Variants in NCOA1 observed in about 807,000 individuals in gnomAD.
NCOA1 encodes the protein nuclear receptor coactivator 1, also known as Hin-2 protein.
NCOA1 carries 35 observed loss-of-function variants against 150.9 expected under a neutral mutation model. That is an observed-to-expected ratio of 0.23 (90% CI 0.18 to 0.31). NCOA1 has a LOEUF of 0.31. NCOA1 is among the 10% of genes least tolerant of loss of function. NCOA1 has a pLI of 1.00. For missense variants in NCOA1, 1,491 were observed against 1,749.3 expected, an observed-to-expected ratio of 0.85 and a Z score of 2.63; for synonymous variants, 590 against 630.0, an observed-to-expected ratio of 0.94 and a Z score of 0.95.
At chr2:24,575,376 T>G (rs1666911835) in intron 2 of NCOA1, among the ~76,000 whole-genome samples, 1 of 152,116 alleles carries the variant, frequency 6.6e-6, no homozygotes, top group Admixed American at 6.6e-5. Context: ...TCTGCTTTCT[T>G]GAATGTATTG....
intron 3 of NCOA1, among the ~76,000 whole-genome samples, chr2:24,621,755 C>T (rs572782659): frequency 3.3e-5 from 5 of 152,306 alleles, no homozygotes; most frequent in East Asian, 1.9e-4. Context: ...GCTGGGATTA[C>T]AGGCATGCGC....
chr2:24,652,118 G>A (rs1354759888), intron 4 of NCOA1, among the ~76,000 whole-genome samples: 1 of 152,014 alleles, frequency 6.6e-6, no homozygotes, highest in East Asian at 1.9e-4. Context: ...TTCAAAAAGT[G>A]AAAACTACCT....
At chr2:24,546,579 C>A (rs1177248703) in intron 1 of NCOA1, among the ~76,000 whole-genome samples, 1 of 152,108 alleles carries the variant, frequency 6.6e-6, no homozygotes, top group Non-Finnish European at 1.5e-5. Flanking sequence ...AAACTTATAA[C>A]CTGGAAAACA....
rs141917319 is a variant in NCOA1, at chr2:24,740,413, A to G, written c.3303+880A>G. ...GTGTATAGCCTATTGCTCCTAGGCT[A>G]TAAACCTGTACTGCATGTTACTCTA... On this transcript the variant is annotated intron_variant, in intron 18 of 22. Transcript: ENST00000348332. 1.2e-3 allele frequency among the ~76,000 whole-genome samples: 177 copies of G among 152,356 alleles called. 2 individuals carry two copies. The highest frequency in any genetic ancestry group is 2.2e-3 in the Non-Finnish European group (150 of 68,024).
intron 7 of NCOA1, among the ~76,000 whole-genome samples, chr2:24,674,852 G>A (rs1447851861): frequency 6.6e-6 from 1 of 152,004 alleles, no homozygotes; most frequent in Non-Finnish European, 1.5e-5. Flanking sequence ...TGTTTCCATT[G>A]GTCCATAAGA....
At chr2:24,703,565 C>T (rs1673268573) in intron 11 of NCOA1, among the ~76,000 whole-genome samples, 1 of 152,076 alleles carries the variant, frequency 6.6e-6, no homozygotes, top group African/African-American at 2.4e-5. Flanking sequence ...AGTAAGTATG[C>T]CAGTGATTTA....
intron 11 of NCOA1, 84 bp from the exon 12 acceptor site, chr2:24,705,002 T>G (rs1673347068): frequency 2.1e-6 from 3 of 1,450,142 alleles, no homozygotes; most frequent in Admixed American, 2.0e-5. Context: ...AAAATGAGGT[T>G]CTAAGTAGAA....
At chr2:24,499,959 C>T (rs1385418317) in intron 1 of NCOA1, among the ~76,000 whole-genome samples, 1 of 152,190 alleles carries the variant, frequency 6.6e-6, no homozygotes, top group East Asian at 1.9e-4. Context: ...ATTGGGGTAC[C>T]TTTAAAGATA....
chr2:24,519,862 T>C (rs1664350728), intron 1 of NCOA1, among the ~76,000 whole-genome samples: 2 of 152,142 alleles, frequency 1.3e-5, no homozygotes, highest in African/African-American at 4.8e-5. Flanking sequence ...AAAATATTTG[T>C]AATTCATTTA....
intron 2 of NCOA1, among the ~76,000 whole-genome samples, chr2:24,581,527 G>T (rs956110587): frequency 6.6e-6 from 1 of 152,068 alleles, no homozygotes; most frequent in Non-Finnish European, 1.5e-5. Context: ...TGTCTGGATT[G>T]TCTCTTTCCT....
At chr2:24,505,776 G>A (rs140802425) in intron 1 of NCOA1, among the ~76,000 whole-genome samples, 4 of 152,272 alleles carry the variant, frequency 2.6e-5, no homozygotes, top group African/African-American at 7.2e-5. Flanking sequence ...CCGGATGGCC[G>A]TGTGATGACC....
chr2:24,621,907 C>T (rs533395596), intron 3 of NCOA1, among the ~76,000 whole-genome samples: 2 of 152,130 alleles, frequency 1.3e-5, no homozygotes, highest in Non-Finnish European at 2.9e-5. Context: ...GTCTCATTTC[C>T]CCAAACCTAA....
At chr2:24,508,944 G>A (rs952625319) in intron 1 of NCOA1, among the ~76,000 whole-genome samples, 6 of 152,196 alleles carry the variant, frequency 3.9e-5, no homozygotes, top group Admixed American at 3.3e-4. Flanking sequence ...AGAAAATGGG[G>A]AGGCATTGTC....
At chr2:24,660,368 TATC>T (rs1317892849) in intron 5 of NCOA1, among the ~76,000 whole-genome samples, 19 of 152,250 alleles carry the variant, frequency 1.2e-4, no homozygotes, top group African/African-American at 2.9e-4. Flanking sequence ...GTTAATATGT[TATC>T]ATATTTGCAT....
intron 1 of NCOA1, among the ~76,000 whole-genome samples, chr2:24,519,701 T>A (rs1374598923): frequency 1.3e-5 from 2 of 150,980 alleles, no homozygotes; most frequent in Non-Finnish European, 2.9e-5. Flanking sequence ...CATGCCTAAT[T>A]ACTAGTAGGC....
At chr2:24,559,779 GGCAGAGGTTCTTTT>G (rs1258955725) in intron 1 of NCOA1, among the ~76,000 whole-genome samples, 1 of 146,936 alleles carries the variant, frequency 6.8e-6, no homozygotes, top group East Asian at 2.0e-4. Flanking sequence ...TCCACCACCT[GGCAGAGGTTCTTTT>G]GCCTCTACCC....
chr2:24,576,149 G>GTTTTTTTTTTTTT lies in NCOA1; in HGVS notation c.-259-8326_-259-8314dup, dbSNP rs1183405187. On this transcript the variant is annotated intron_variant, in intron 2 of 22. Coordinates refer to ENST00000348332, the MANE Select transcript of NCOA1 (RefSeq NM_003743.5). ...GAGTTTCAGAAATTATTTGGCCTTT[G>GTTTTTTTTTTTTT]TTTTTTTTTTTTTGTTTTTTGTTTT... Among the ~76,000 whole-genome samples, 242 of 93,990 alleles carry GTTTTTTTTTTTTT rather than the reference G, an allele frequency of 2.6e-3. 19 individuals are homozygous for GTTTTTTTTTTTTT. Among genetic ancestry groups the GTTTTTTTTTTTTT allele is most frequent in the Middle Eastern group, 0.013 (2 of 150 alleles). The allele number at this position is 93,990 out of a possible 152,430, so 61.7% of individuals were successfully genotyped here.
chr2:24,748,762 A>G (rs1249884829), intron 19 of NCOA1, among the ~76,000 whole-genome samples: 1 of 152,202 alleles, frequency 6.6e-6, no homozygotes, highest in Non-Finnish European at 1.5e-5. Flanking sequence ...AAAATAACCA[A>G]AAAAATTACA....
intron 1 of NCOA1, among the ~76,000 whole-genome samples, chr2:24,514,306 A>AT (rs1664065534): frequency 6.7e-6 from 1 of 148,572 alleles, no homozygotes; most frequent in Admixed American, 6.7e-5. Context: ...AAAAAAAAAA[A>AT]GGAAAAAAAC....
Sources: allele counts gnomAD v4.1 joint callset (sites outside exome capture counted in the v4.1 genomes callset), GRCh38; gene constraint gnomAD v4.1.1; transcripts MANE v1.5; gene names NCBI Gene and HGNC (gene_info 2026-07-23, HGNC 2026-07-21).